Variants in WASHC2C observed in about 807,000 individuals in gnomAD.
WASHC2C encodes WASH complex subunit 2C.
Under a neutral mutation model 142.2 loss-of-function variants are expected in WASHC2C, and 73 were observed. The observed-to-expected ratio is 0.51, with a 90% CI of 0.43 to 0.62. The LOEUF (loss-of-function observed/expected upper bound fraction) is 0.62, where lower values mean the gene tolerates loss of function less well. WASHC2C is among the 20% of genes least tolerant of loss of function. The pLI is 0.00. For synonymous variants in WASHC2C, 337 were observed against 565.5 expected (o/e 0.60, Z 5.73); for missense variants, 969 against 1,531.7 (o/e 0.63, Z 6.13).
At chr10:45,784,220 G>T (rs1554888807) in intron 23 of WASHC2C, among the ~76,000 whole-genome samples, 1 of 91,142 alleles carries the variant, frequency 1.1e-5, no homozygotes, top group African/African-American at 3.9e-5. Context: ...TATCTCTAAA[G>T]CTTGTGCATA....
At chr10:45,741,952 C>T (rs1318693457) in intron 5 of WASHC2C, among the ~76,000 whole-genome samples, 7 of 151,964 alleles carry the variant, frequency 4.6e-5, no homozygotes, top group African/African-American at 1.7e-4. Context: ...TAACATGACA[C>T]CTGGCTAATT....
chr10:45,736,767 C>G (rs1554864939), intron 3 of WASHC2C, among the ~76,000 whole-genome samples: 2 of 152,086 alleles, frequency 1.3e-5, no homozygotes, highest in African/African-American at 4.8e-5. Flanking sequence ...TAAAATACAT[C>G]TCTTTTCCAT....
At chr10:45,743,515 T>C in intron 6 of WASHC2C, 32 bp downstream of exon 6, 4 of 1,605,074 alleles carry the variant, frequency 2.5e-6, no homozygotes, top group Non-Finnish European at 3.4e-6. Flanking sequence ...TTTTATTCCT[T>C]AACATTTCTT....
Position 45,792,340 on chromosome 10 carries a change from A to G in WASHC2C, c.3966A>G (p.Arg1322=), listed in dbSNP as rs1334076137. ...CTGCACAGGCCGCACCTGAACCAAG[A>G]TTTGAACACAAGGTGTCCAACATCT... ...SRSAQAAPEP[R]FEHKVSNIFD... is the part of the protein sequence containing the mutation. The change falls in exon 31 of 31, where the codon AGA becomes AGG. Residue 1322 remains arginine (R), a synonymous_variant. Coordinates refer to ENST00000623400, the MANE Select transcript of WASHC2C (RefSeq NM_001330074.2). The G allele has an allele frequency of 1.3e-6, 2 of 1,565,556 alleles. No individual in the cohort carries two copies. Among genetic ancestry groups the G allele is most frequent in the Non-Finnish European group, 1.7e-6 (2 of 1,146,908 alleles).
chr10:45,739,735 G>C (rs1554866593), intron 4 of WASHC2C, among the ~76,000 whole-genome samples: 1 of 152,014 alleles, frequency 6.6e-6, no homozygotes, highest in African/African-American at 2.4e-5. Context: ...TGGTGAGTCT[G>C]AGAGTCTAGG....
chr10:45,764,965 G>A (rs2055612783), intron 18 of WASHC2C, among the ~76,000 whole-genome samples: 1 of 152,118 alleles, frequency 6.6e-6, no homozygotes, highest in Admixed American at 6.6e-5. Flanking sequence ...TTCCAGGGCT[G>A]TTCACCTGAG....
At position 45,788,856 on chromosome 10, in the gene WASHC2C, T is replaced by G. The variant is rs2058235238; in HGVS notation, c.3088-15T>G. ...TTTTATCGTCAGATCAATGTATGTT[T>G]TTTTGCCGTTGCAGAGCCGTGTCAA... On this transcript the variant is annotated splice_polypyrimidine_tract_variant and intron_variant, in intron 28 of 30. Transcript: ENST00000623400. The G allele has an allele frequency of 6.2e-7, 1 of 1,611,948 alleles. No individual in the cohort carries two copies. The highest frequency in any genetic ancestry group is 1.3e-5 in the African/African-American group (1 of 74,868).
In WASHC2C at chr10:45,792,813, G is replaced by T; in HGVS notation, c.*413G>T. 1 of 479,912 alleles carries T rather than the reference G, an allele frequency of 2.1e-6. No homozygotes were observed. The highest frequency in any genetic ancestry group is 6.6e-4 in the Middle Eastern group (1 of 1,510). The allele number at this position is 479,912 out of a possible 1,614,324, so 29.7% of individuals were successfully genotyped here. A position where few individuals can be genotyped will look rare whatever the true frequency, so the allele number is the denominator to read the frequency against. On this transcript the variant is annotated 3_prime_UTR_variant, in exon 31 of 31. Coordinates refer to ENST00000623400, the MANE Select transcript of WASHC2C (RefSeq NM_001330074.2). ...GGCAGGGGAAAGAGAAAGAAGATGA[G>T]AGATTATACTTCATGAGTCTTAGCA... is the stretch of plus-strand genomic sequence containing the variant.
chr10:45,790,071 A>G (rs2058307130), intron 29 of WASHC2C, among the ~76,000 whole-genome samples: 1 of 152,254 alleles, frequency 6.6e-6, no homozygotes, highest in Non-Finnish European at 1.5e-5. Flanking sequence ...ACTAAGTGTC[A>G]TGAAGAAAGT....
chr10:45,788,707 C>T (rs1381257337), intron 28 of WASHC2C, among the ~76,000 whole-genome samples, 164 bp from the exon 29 acceptor site: 173 of 152,268 alleles, frequency 1.1e-3, no homozygotes, highest in Non-Finnish European at 1.1e-3. Context: ...AAACTCCTTC[C>T]TTGGAAATCA....
chr10:45,769,099 A>C (rs1428599474), intron 19 of WASHC2C, among the ~76,000 whole-genome samples: 16 of 152,088 alleles, frequency 1.1e-4, no homozygotes, highest in Non-Finnish European at 2.4e-4. Context: ...CATGTTTTAT[A>C]ATCTAAATTG....
chr10:45,730,335 G>A (rs1200031071), intron 3 of WASHC2C, among the ~76,000 whole-genome samples: 1 of 146,052 alleles, frequency 6.8e-6, no homozygotes, highest in South Asian at 2.2e-4. Flanking sequence ...CAATAAGAGC[G>A]AAACTCCGTC....
At chr10:45,770,282 A>C (rs1263901707) in intron 20 of WASHC2C, among the ~76,000 whole-genome samples, 3 of 143,926 alleles carry the variant, frequency 2.1e-5, no homozygotes, top group African/African-American at 7.9e-5. Context: ...AAATCTGCTC[A>C]GCATTTAACA....
intron 18 of WASHC2C, among the ~76,000 whole-genome samples, chr10:45,763,983 T>C (rs1304113084): frequency 2.6e-5 from 4 of 152,194 alleles, no homozygotes; most frequent in Non-Finnish European, 4.4e-5. Context: ...ATTACAGGTG[T>C]GAGCCACCGT....
At chr10:45,773,892 C>CAAAAAAAAAAAAAAAAAAA (rs71023148) in intron 21 of WASHC2C, among the ~76,000 whole-genome samples, 1 of 31,078 alleles carries the variant, frequency 3.2e-5, no homozygotes. Context: ...TACTGCAGGC[C>CAAAAAAAAAAAAAAAAAAA]AAAAAAAAAA....
In WASHC2C at chr10:45,786,580, A is replaced by G. The variant is rs1554890137; in HGVS notation, c.2812-32A>G. 1.9e-6 allele frequency: 3 copies of G among 1,610,788 alleles called. No homozygotes were observed. The Admixed American group carries it at 5.0e-5, about 27-fold the overall frequency. On this transcript the variant is annotated intron_variant, in intron 26 of 30. Coordinates refer to ENST00000623400, the MANE Select transcript of WASHC2C (RefSeq NM_001330074.2). ...AAACACTTGTCTTTCTGTTTCCCAAATGGATTTTTAACTGGATGTAATCTT... is the reference window on the plus strand; with the variant it reads ...AAACACTTGTCTTTCTGTTTCCCAAGTGGATTTTTAACTGGATGTAATCTT...
intron 6 of WASHC2C, among the ~76,000 whole-genome samples, chr10:45,744,379 A>G (rs1310047342): frequency 6.8e-6 from 1 of 146,976 alleles, no homozygotes; most frequent in African/African-American, 2.5e-5. Context: ...ATTTTCCTGG[A>G]CATAAGGGTA....
At chr10:45,746,684 T>G (rs1554871264) in intron 8 of WASHC2C, 37 bp downstream of exon 8, 1 of 1,609,830 alleles carries the variant, frequency 6.2e-7, no homozygotes. Context: ...TGTTTTTACA[T>G]TTTAATTGAA....
At chr10:45,759,291 A>ACCC (rs369051139) in intron 16 of WASHC2C, 24 bp from the exon 17 acceptor site, 13 of 197,464 alleles carry the variant, frequency 6.6e-5, no homozygotes, top group African/African-American at 1.6e-4. Flanking sequence ...TTTCTTCCCC[A>ACCC]CCCCCCCCCC....
Sources: gnomAD v4.1 joint callset for allele counts (sites outside exome capture counted in the v4.1 genomes callset) on GRCh38, gnomAD v4.1.1 for gene constraint, MANE v1.5 for transcripts, NCBI Gene and HGNC (gene_info 2026-07-23, HGNC 2026-07-21) for gene names.